The following TENT2 variants were observed in gnomAD, a reference collection of about 807,000 sequenced individuals.
TENT2 encodes terminal nucleotidyltransferase 2, also known as poly(A) RNA polymerase GLD2.
In TENT2, 44 loss-of-function variants were observed where a neutral mutation model predicts 72.2. The ratio of observed to expected loss-of-function variants is 0.61; its 90% CI spans 0.48 to 0.78. The LOEUF (loss-of-function observed/expected upper bound fraction) is 0.78, where lower values mean the gene tolerates loss of function less well. Among genes scored for constraint, TENT2 ranks in the 30% least tolerant of loss-of-function variants. The probability of loss-of-function intolerance (pLI) is 0.00; values close to 1 mark genes in which losing one functional copy is unlikely to be tolerated. For missense variants in TENT2, 541 were observed against 569.6 expected, an observed-to-expected ratio of 0.95 and a Z score of 0.51; for synonymous variants, 212 against 192.5, an observed-to-expected ratio of 1.10 and a Z score of -0.84.
chr5:79,669,385 C>T (rs1811097971), intron 12 of TENT2, among the ~76,000 whole-genome samples: 1 of 152,146 alleles, frequency 6.6e-6, no homozygotes, highest in Non-Finnish European at 1.5e-5. Context: ...AGTAAAAAAA[C>T]ACTGCTAAGA....
At chr5:79,674,679 A>C (rs919014566) in intron 12 of TENT2, among the ~76,000 whole-genome samples, 12 of 152,312 alleles carry the variant, frequency 7.9e-5, no homozygotes, top group South Asian at 4.1e-4. Context: ...ATGTGGCAAA[A>C]TGTTAACACT....
At chr5:79,667,694 A>G (rs532164325) in intron 11 of TENT2, among the ~76,000 whole-genome samples, 15 of 152,310 alleles carry the variant, frequency 9.8e-5, no homozygotes, top group Middle Eastern at 3.4e-3. Flanking sequence ...AATTATAGGT[A>G]ATGGAACAAG....
chr5:79,687,041 A>G lies in TENT2; in HGVS notation c.*1768A>G, dbSNP rs1459578270. On this transcript the variant is annotated 3_prime_UTR_variant, in exon 15 of 15. Coordinates refer to ENST00000453514, the MANE Select transcript of TENT2 (RefSeq NM_001114394.3). The stretch of plus-strand genomic sequence containing the variant: ...TACCCTCTGCCTCTACAGTATTATG[A>G]CATTTCCTAATAAAACCCCAGAATT... 6.6e-6 allele frequency among the ~76,000 whole-genome samples: 1 copy of G among 152,148 alleles called. No individual in the cohort carries two copies. Among genetic ancestry groups the G allele is most frequent in the East Asian group, 1.9e-4 (1 of 5,202 alleles).
chr5:79,663,680 A>G (rs1006918495), intron 11 of TENT2, among the ~76,000 whole-genome samples: 3 of 152,208 alleles, frequency 2.0e-5, no homozygotes, highest in African/African-American at 4.8e-5. Flanking sequence ...GTAACATCAA[A>G]TATTACTGAT....
chr5:79,660,076 T>C (rs1214144147), intron 11 of TENT2, among the ~76,000 whole-genome samples: 1 of 152,160 alleles, frequency 6.6e-6, no homozygotes, highest in Non-Finnish European at 1.5e-5. Flanking sequence ...TGGAATAAAT[T>C]TGTTCAGTAT....
At chr5:79,662,452 C>T (rs1803780758) in intron 11 of TENT2, among the ~76,000 whole-genome samples, 1 of 152,164 alleles carries the variant, frequency 6.6e-6, no homozygotes, top group Admixed American at 6.5e-5. Context: ...CTATCTGTGG[C>T]AGTTATAGCC....
rs1791456381 is a variant in TENT2, at chr5:79,649,044, T to C, written c.899-18T>C. The C allele has an allele frequency of 1.9e-6, 3 of 1,611,382 alleles. No homozygotes were observed. The highest frequency in any genetic ancestry group is 2.5e-6 in the Non-Finnish European group (3 of 1,178,262). On this transcript the variant is annotated intron_variant, in intron 9 of 14. Transcript: ENST00000453514. ...CTATAACGTCTCTTACCATGTTAAGTTTTAATTTTACTTTCAGTTGAAAAT... is the reference window on the plus strand; with the variant it reads ...CTATAACGTCTCTTACCATGTTAAGCTTTAATTTTACTTTCAGTTGAAAAT...
intron 6 of TENT2, among the ~76,000 whole-genome samples, chr5:79,641,590 T>C (rs1158749508): frequency 6.6e-6 from 1 of 151,992 alleles, no homozygotes; most frequent in Non-Finnish European, 1.5e-5. Flanking sequence ...TTTTAATCTT[T>C]ACTTTTTTTC....
chr5:79,617,773 C>A (rs1054737531), intron 1 of TENT2, among the ~76,000 whole-genome samples: 44 of 152,174 alleles, frequency 2.9e-4, no homozygotes, highest in African/African-American at 9.4e-4. Flanking sequence ...GATTTGAAGT[C>A]ATGAGTCCAT....
intron 10 of TENT2, among the ~76,000 whole-genome samples, chr5:79,655,864 TTAAA>T (rs1279662592): frequency 6.6e-6 from 1 of 151,964 alleles, no homozygotes; most frequent in Non-Finnish European, 1.5e-5. Context: ...TAAAGGAAAT[TTAAA>T]TAAAGCATCC....
chr5:79,646,089 C>G (rs1788732562), intron 8 of TENT2, among the ~76,000 whole-genome samples: 1 of 152,090 alleles, frequency 6.6e-6, no homozygotes, highest in South Asian at 2.1e-4. Flanking sequence ...ATAACCTTCT[C>G]ACAGTCTAAT....
At chr5:79,640,170 C>T (rs11959540) in intron 4 of TENT2, among the ~76,000 whole-genome samples, 1 of 151,580 alleles carries the variant, frequency 6.6e-6, no homozygotes, top group South Asian at 2.1e-4. Context: ...GCAGGAGAAC[C>T]GCTTGAACCC....
At chr5:79,630,725 G>A (rs982132662) in intron 4 of TENT2, among the ~76,000 whole-genome samples, 1 of 152,102 alleles carries the variant, frequency 6.6e-6, no homozygotes, top group Non-Finnish European at 1.5e-5. Flanking sequence ...GTGGTTGAAG[G>A]TGTGGTAGGG....
intron 12 of TENT2, among the ~76,000 whole-genome samples, chr5:79,679,139 C>T (rs1327705860): frequency 1.3e-5 from 2 of 152,094 alleles, no homozygotes; most frequent in African/African-American, 4.8e-5. Context: ...CTCTTAACCT[C>T]GTGATCCACC....
chr5:79,684,020 C>T (rs919422356), intron 14 of TENT2, among the ~76,000 whole-genome samples: 1 of 143,950 alleles, frequency 6.9e-6, no homozygotes, highest in African/African-American at 2.6e-5. Context: ...AAATTGAGAA[C>T]TCAAAATTAG....
At chr5:79,624,613 G>C (rs1174671672) in intron 4 of TENT2, among the ~76,000 whole-genome samples, 2 of 151,924 alleles carry the variant, frequency 1.3e-5, no homozygotes, top group East Asian at 3.8e-4. Flanking sequence ...TCTATTTTCT[G>C]TCTTTATCCC....
chr5:79,662,203 G>T (rs1803542722), intron 11 of TENT2, among the ~76,000 whole-genome samples: 1 of 152,158 alleles, frequency 6.6e-6, no homozygotes, highest in Admixed American at 6.5e-5. Context: ...ACATCTTCAG[G>T]TTCCACTGCT....
At chr5:79,616,308 C>T (rs565303063) in intron 1 of TENT2, among the ~76,000 whole-genome samples, 117 of 149,512 alleles carry the variant, frequency 7.8e-4, no homozygotes, top group African/African-American at 2.6e-3. Context: ...AAGCGATTCT[C>T]CTGTCCCAGC....
chr5:79,623,485 A>G lies in TENT2; in HGVS notation c.461A>G (p.Asp154Gly). Reference protein sequence around the residue: ...PREITLPEAKDKLSQQILELF... With the variant: ...PREITLPEAKGKLSQQILELF... ...GAAATCACACTGCCTGAGGCCAAAG[A>G]TAAGGTAATAATAATGTAGATTTTA... The change falls in exon 4 of 15, where the codon GAT (aspartate) becomes GGT (glycine). Residue 154 changes from aspartate to glycine, a missense_variant. Transcript: ENST00000453514. 1.3e-6 allele frequency: 2 copies of G among 1,589,458 alleles called. No homozygotes were observed. The highest frequency in any genetic ancestry group is 1.7e-6 in the Non-Finnish European group (2 of 1,162,228).
Sources: gnomAD v4.1 joint callset for allele counts (sites outside exome capture counted in the v4.1 genomes callset) on GRCh38, gnomAD v4.1.1 for gene constraint, MANE v1.5 for transcripts, NCBI Gene and HGNC (gene_info 2026-07-23, HGNC 2026-07-21) for gene names.